TMEM123: variants seen among roughly 807,000 people sequenced by gnomAD.
The protein encoded by TMEM123 is porimin.
In TMEM123, 16 loss-of-function variants were observed where a neutral mutation model predicts 19.7. That is an observed-to-expected ratio of 0.81 (90% CI 0.55 to 1.23). TMEM123 has a LOEUF of 1.23. Ranked by LOEUF, TMEM123 falls within the 50% of genes most tolerant of loss-of-function variation. The pLI is 0.00. For missense variants in TMEM123, 313 were observed against 257.8 expected (o/e 1.21, Z -1.47); for synonymous variants, 118 against 99.4 (o/e 1.19, Z -1.12).
intron 2 of TMEM123, among the ~76,000 whole-genome samples, chr11:102,421,216 AG>A (rs1356134983): frequency 6.6e-6 from 1 of 152,236 alleles, no homozygotes; most frequent in Non-Finnish European, 1.5e-5. Flanking sequence ...ACATACTATC[AG>A]TCTGTCTCCA....
At chr11:102,444,074 T>C (rs746477880) in intron 2 of TMEM123, among the ~76,000 whole-genome samples, 7 of 152,172 alleles carry the variant, frequency 4.6e-5, no homozygotes, top group African/African-American at 7.2e-5. Context: ...TGTGGAGACA[T>C]AGGAACACTT....
At chr11:102,425,813 G>A (rs1430066119) in intron 2 of TMEM123, among the ~76,000 whole-genome samples, 1 of 151,822 alleles carries the variant, frequency 6.6e-6, no homozygotes, top group African/African-American at 2.4e-5. Flanking sequence ...AACTCCTGGA[G>A]TCAAGCAATC....
Position 102,398,385 on chromosome 11 carries a change from T to G in TMEM123, c.*482A>C, listed in dbSNP as rs1468295361. 2.5e-6 allele frequency: 1 copy of G among 394,368 alleles called. No homozygotes were observed. Among genetic ancestry groups the G allele is most frequent in the Non-Finnish European group, 4.5e-6 (1 of 223,964 alleles). 24.4% of individuals were successfully genotyped at this position (394,368 alleles called of 1,614,324 possible). On this transcript the variant is annotated 3_prime_UTR_variant, in exon 5 of 5. Coordinates refer to ENST00000398136, the MANE Select transcript of TMEM123 (RefSeq NM_052932.3). ...TTTTTCTTAAATTATGCTTCAGATC[T>G]AGTTTGATTGTATAATTTCTGTGTG...
rs1276511438 is a variant in TMEM123, at chr11:102,398,085, T to C, written c.*782A>G. The stretch of plus-strand genomic sequence containing the variant: ...TAACTTCTAGGAGGTTTTTTCCCTA[T>C]AATGCCAGGATTATTTAATACTGAC... On this transcript the variant is annotated 3_prime_UTR_variant, in exon 5 of 5. Coordinates refer to ENST00000398136, the MANE Select transcript of TMEM123 (RefSeq NM_052932.3). The C allele has an allele frequency of 6.6e-6, 1 of 152,386 alleles. No individual in the cohort carries two copies. Among genetic ancestry groups the C allele is most frequent in the Non-Finnish European group, 1.5e-5 (1 of 68,140 alleles). The allele number at this position is 152,386 out of a possible 1,614,324, so 9.4% of individuals were successfully genotyped here.
chr11:102,420,151 C>T (rs1205097731), intron 2 of TMEM123, among the ~76,000 whole-genome samples: 1 of 152,206 alleles, frequency 6.6e-6, no homozygotes, highest in Non-Finnish European at 1.5e-5. Flanking sequence ...CATCCTCATC[C>T]AGCCTGCTCT....
rs1366086460 is a variant in TMEM123, at chr11:102,396,552, T to TA, written c.*2314dup. On this transcript the variant is annotated 3_prime_UTR_variant, in exon 5 of 5. Coordinates refer to ENST00000398136, the MANE Select transcript of TMEM123 (RefSeq NM_052932.3). ...TTAAAATTGGCTTCTGCCTAGTACT[T>TA]ATACATCTGGATTGTTTGTTTTGAT... 1 of 152,216 alleles carries TA rather than the reference T, an allele frequency of 6.6e-6. No homozygotes were observed. Among genetic ancestry groups the TA allele is most frequent in the East Asian group, 1.9e-4 (1 of 5,200 alleles). The allele number at this position is 152,216 out of a possible 1,614,324, so 9.4% of individuals were successfully genotyped here.
chr11:102,428,224 T>A (rs146505493), intron 2 of TMEM123, among the ~76,000 whole-genome samples: 43 of 152,336 alleles, frequency 2.8e-4, no homozygotes, highest in African/African-American at 1.0e-3. Flanking sequence ...CTAACTTCAA[T>A]TTTTTATCCT....
At chr11:102,439,074 A>T (rs1421400595) in intron 2 of TMEM123, among the ~76,000 whole-genome samples, 5 of 152,188 alleles carry the variant, frequency 3.3e-5, no homozygotes, top group African/African-American at 7.2e-5. Flanking sequence ...TTGAGTAGGT[A>T]AACAAAGTGG....
intron 2 of TMEM123, among the ~76,000 whole-genome samples, chr11:102,440,157 T>A (rs1223830230): frequency 6.6e-6 from 1 of 152,114 alleles, no homozygotes; most frequent in African/African-American, 2.4e-5. Context: ...TTCCCCAACC[T>A]AGCAAGGCAG....
In TMEM123 at chr11:102,448,819, G is replaced by A; in HGVS notation, c.150C>T (p.Asn50=). 6.2e-7 allele frequency: 1 copy of A among 1,613,690 alleles called. No homozygotes were observed. Among genetic ancestry groups the A allele is most frequent in the Non-Finnish European group, 8.5e-7 (1 of 1,179,780 alleles). ...TAATCTTTTAAAACTCACCTGTTGA[G>A]TTAGCACTGGAGTTGTGTGGAAGCC... ...NSGLPHNSSA[N]STETLQHVPS... The change falls in exon 2 of 5, where the codon AAC becomes AAT. Residue 50 remains asparagine, a synonymous_variant. Transcript: ENST00000398136.
intron 2 of TMEM123, among the ~76,000 whole-genome samples, chr11:102,416,680 GC>G (rs1952045571): frequency 6.6e-6 from 1 of 151,884 alleles, no homozygotes. Flanking sequence ...CCAAAACCTG[GC>G]AAAGACACAA....
chr11:102,437,530 A>G (rs1293846558), intron 2 of TMEM123, among the ~76,000 whole-genome samples: 2 of 152,184 alleles, frequency 1.3e-5, no homozygotes, highest in Non-Finnish European at 2.9e-5. Flanking sequence ...CATCGCAATA[A>G]AGAATAGCAG....
At position 102,398,857 on chromosome 11, in the gene TMEM123, A is replaced by G; in HGVS notation, c.*10T>C. 3 of 1,611,682 alleles carry G rather than the reference A, an allele frequency of 1.9e-6. No individual in the cohort carries two copies. Among genetic ancestry groups the G allele is most frequent in the South Asian group, 2.2e-5 (2 of 90,328 alleles). On this transcript the variant is annotated 3_prime_UTR_variant, in exon 5 of 5. Coordinates refer to ENST00000398136, the MANE Select transcript of TMEM123 (RefSeq NM_052932.3). ...TCAATCTGTATTCCATCCTTGGTCC[A>G]TGGATTTCCTTAAATGATGGCATCA...
chr11:102,435,823 C>T (rs540336845), intron 2 of TMEM123, among the ~76,000 whole-genome samples: 2 of 151,574 alleles, frequency 1.3e-5, no homozygotes, highest in Admixed American at 6.6e-5. Context: ...AAGTCCAGAA[C>T]GGGAAAATGA....
chr11:102,444,980 G>C (rs1278445663), intron 2 of TMEM123, among the ~76,000 whole-genome samples: 1 of 151,870 alleles, frequency 6.6e-6, no homozygotes, highest in East Asian at 1.9e-4. Context: ...GAGAACACTT[G>C]GACACAGGGC....
chr11:102,449,389 T>G (rs1004910609), intron 1 of TMEM123: 1 of 153,734 alleles, frequency 6.5e-6, no homozygotes, highest in African/African-American at 2.4e-5. Context: ...ACCTTTAGAT[T>G]TGGAAAAAAT....
chr11:102,399,725 T>C (rs1301547786), intron 4 of TMEM123, among the ~76,000 whole-genome samples: 6 of 152,186 alleles, frequency 3.9e-5, no homozygotes, highest in Non-Finnish European at 7.3e-5. Flanking sequence ...ATCCCAGCAC[T>C]TTGGGAGGCC....
In TMEM123 at chr11:102,414,951, C is replaced by G. The variant is rs190355915; in HGVS notation, c.158-12745G>C. ...CTAATCGTAAGCTAGCTTCAAGAGA[C>G]CAGTCTCACCTGCAATGACACCCAC... On this transcript the variant is annotated intron_variant, in intron 2 of 4. Coordinates refer to ENST00000398136, the MANE Select transcript of TMEM123 (RefSeq NM_052932.3). Among the ~76,000 whole-genome samples the G allele has an allele frequency of 3.6e-3, 541 of 152,258 alleles. 3 individuals carry two copies. Among genetic ancestry groups the G allele is most frequent in the Middle Eastern group, 0.01 (3 of 294 alleles).
Position 102,401,787 on chromosome 11 carries a change from TA to T in TMEM123, c.449-96del, listed in dbSNP as rs1234266395. On this transcript the variant is annotated intron_variant, in intron 3 of 4. Coordinates refer to ENST00000398136, the MANE Select transcript of TMEM123 (RefSeq NM_052932.3). ...TCTGATTTTCTGTGTTAAGAACATT[TA>T]ATTAGGAATTAAGGGAAATCTAGGC... is the stretch of plus-strand genomic sequence containing the variant. 3 of 1,495,064 alleles carry T rather than the reference TA, an allele frequency of 2.0e-6. No individual in the cohort carries two copies. The African/African-American group carries it at 4.2e-5, about 21-fold the overall frequency. The allele number at this position is 1,495,064 out of a possible 1,614,324, so 92.6% of individuals were successfully genotyped here.
Sources: gnomAD v4.1 joint callset for allele counts (sites outside exome capture counted in the v4.1 genomes callset) on GRCh38, gnomAD v4.1.1 for gene constraint, MANE v1.5 for transcripts, NCBI Gene and HGNC (gene_info 2026-07-23, HGNC 2026-07-21) for gene names.